Variants in SCAPER observed in about 807,000 individuals in gnomAD.
SCAPER encodes the protein S phase cyclin A-associated protein in the endoplasmic reticulum.
In SCAPER, 98 loss-of-function variants were observed where a neutral mutation model predicts 182.2. The ratio of observed to expected loss-of-function variants is 0.54; its 90% CI spans 0.46 to 0.64. The LOEUF (loss-of-function observed/expected upper bound fraction) is 0.64. SCAPER is among the 30% of genes least tolerant of loss of function. The probability of loss-of-function intolerance (pLI) is 0.00; values close to 1 mark genes in which losing one functional copy is unlikely to be tolerated. For synonymous variants in SCAPER, 605 were observed against 564.6 expected (o/e 1.07, Z -1.01); for missense variants, 1,432 against 1,690.0 (o/e 0.85, Z 2.68).
intron 17 of SCAPER, among the ~76,000 whole-genome samples, chr15:76,725,324 A>G (rs986087036): frequency 6.6e-6 from 1 of 152,066 alleles, no homozygotes; most frequent in African/African-American, 2.4e-5. Flanking sequence ...TCATGGACTG[A>G]AAAACTCAAC....
intron 7 of SCAPER, among the ~76,000 whole-genome samples, chr15:76,796,657 CT>C (rs1202885464): frequency 4.6e-5 from 7 of 152,188 alleles, no homozygotes; most frequent in African/African-American, 1.7e-4. Context: ...AATATAAGAA[CT>C]TTTACCACAC....
intron 23 of SCAPER, among the ~76,000 whole-genome samples, chr15:76,506,116 CG>C (rs1013565949): frequency 6.7e-6 from 1 of 150,334 alleles, no homozygotes; most frequent in African/African-American, 2.5e-5. Flanking sequence ...GTGGGGGGGA[CG>C]GGGTAATGGG....
intron 22 of SCAPER, among the ~76,000 whole-genome samples, chr15:76,609,830 A>C (rs552237738): frequency 6.6e-6 from 1 of 152,158 alleles, no homozygotes; most frequent in African/African-American, 2.4e-5. Flanking sequence ...AGGTCTCACT[A>C]TTTTGGTAAG....
At chr15:76,624,741 CTTG>C in intron 21 of SCAPER, among the ~76,000 whole-genome samples, 1 of 152,270 alleles carries the variant, frequency 6.6e-6, no homozygotes, top group Non-Finnish European at 1.5e-5. Flanking sequence ...GCCAAATGTA[CTTG>C]TTTTTAGGCT....
At chr15:76,719,895 G>A (rs2060106328) in intron 17 of SCAPER, among the ~76,000 whole-genome samples, 1 of 151,252 alleles carries the variant, frequency 6.6e-6, no homozygotes, top group African/African-American at 2.4e-5. Context: ...AATTTATTGT[G>A]GTTGCTGAAA....
At chr15:76,546,154 T>C (rs546986223) in intron 23 of SCAPER, among the ~76,000 whole-genome samples, 1 of 151,874 alleles carries the variant, frequency 6.6e-6, no homozygotes, top group Non-Finnish European at 1.5e-5. Flanking sequence ...TTTAGTACCC[T>C]TCCCAGGAAA....
chr15:76,663,512 G>A (rs2056350569), intron 21 of SCAPER, among the ~76,000 whole-genome samples: 1 of 151,674 alleles, frequency 6.6e-6, no homozygotes, highest in Non-Finnish European at 1.5e-5. Flanking sequence ...CCATACAATG[G>A]ATATAGTCAG....
intron 5 of SCAPER, among the ~76,000 whole-genome samples, chr15:76,811,293 T>A (rs2066600600): frequency 6.6e-6 from 1 of 152,098 alleles, no homozygotes; most frequent in African/African-American, 2.4e-5. Context: ...CCAAGTATGT[T>A]TTCCAACCGC....
chr15:76,803,685 G>T (rs1232719859), intron 6 of SCAPER, among the ~76,000 whole-genome samples: 1 of 152,162 alleles, frequency 6.6e-6, no homozygotes, highest in East Asian at 1.9e-4. Flanking sequence ...TCACATGGTG[G>T]AGGGGTAACA....
At chr15:76,369,129 T>G (rs1228783804) in intron 29 of SCAPER, among the ~76,000 whole-genome samples, 2 of 152,190 alleles carry the variant, frequency 1.3e-5, no homozygotes, top group African/African-American at 2.4e-5. Context: ...GTCTTTCCAG[T>G]TAATAGACTA....
At chr15:76,886,016 T>C (rs910123520) in intron 1 of SCAPER, among the ~76,000 whole-genome samples, 1 of 152,342 alleles carries the variant, frequency 6.6e-6, no homozygotes, top group Non-Finnish European at 1.5e-5. Context: ...AGATACCCAG[T>C]AGTGGGATTG....
chr15:76,685,821 A>T (rs1250477289), intron 20 of SCAPER, among the ~76,000 whole-genome samples: 2 of 152,136 alleles, frequency 1.3e-5, no homozygotes, highest in Non-Finnish European at 2.9e-5. Flanking sequence ...AAACGAGGAT[A>T]GGGAATCCAG....
chr15:76,586,429 A>G (rs2048661089), intron 22 of SCAPER, among the ~76,000 whole-genome samples: 1 of 152,160 alleles, frequency 6.6e-6, no homozygotes, highest in South Asian at 2.1e-4. Context: ...GGAATTAGCC[A>G]TTTCCCCAAG....
At chr15:76,566,176 T>C (rs956247967) in intron 23 of SCAPER, among the ~76,000 whole-genome samples, 5 of 152,172 alleles carry the variant, frequency 3.3e-5, no homozygotes, top group African/African-American at 4.8e-5. Flanking sequence ...GTCACAACAG[T>C]TGGCAAAAAG....
At chr15:76,649,585 TA>T (rs2054845111) in intron 21 of SCAPER, among the ~76,000 whole-genome samples, 1 of 150,372 alleles carries the variant, frequency 6.7e-6, no homozygotes, top group South Asian at 2.1e-4. Context: ...TTTCTATTTA[TA>T]TTTTTTACAT....
At chr15:76,494,541 A>G (rs554760387) in intron 24 of SCAPER, among the ~76,000 whole-genome samples, 1 of 152,318 alleles carries the variant, frequency 6.6e-6, no homozygotes, top group South Asian at 2.1e-4. Context: ...TATCAATGAA[A>G]TGATATTTTA....
intron 24 of SCAPER, among the ~76,000 whole-genome samples, chr15:76,502,504 T>C (rs576945050): frequency 3.4e-5 from 5 of 147,976 alleles, no homozygotes; most frequent in East Asian, 2.0e-4. Context: ...ATCTCACTCA[T>C]AGGTGGGAAT....
chr15:76,499,439 T>C (rs1165979890), intron 24 of SCAPER, among the ~76,000 whole-genome samples: 5 of 152,224 alleles, frequency 3.3e-5, no homozygotes, highest in Non-Finnish European at 7.3e-5. Context: ...GAGATCAAAT[T>C]GTAAGTCTAT....
intron 11 of SCAPER, among the ~76,000 whole-genome samples, chr15:76,766,408 T>C (rs1161967476): frequency 1.3e-5 from 2 of 152,200 alleles, no homozygotes; most frequent in African/African-American, 2.4e-5. Context: ...TTTTTGTTAA[T>C]AGAATACAAA....
Sources: allele counts gnomAD v4.1 joint callset (sites outside exome capture counted in the v4.1 genomes callset), GRCh38; gene constraint gnomAD v4.1.1; transcripts MANE v1.5; gene names NCBI Gene and HGNC (gene_info 2026-07-23, HGNC 2026-07-21).